Variants in ZSCAN4 observed in about 807,000 individuals in gnomAD.
ZSCAN4 encodes zinc finger and SCAN domain-containing protein 4.
In ZSCAN4, 18 loss-of-function variants were observed where a neutral mutation model predicts 18.3. The ratio of observed to expected loss-of-function variants is 0.98; its 90% confidence interval spans 0.68 to 1.46. The LOEUF (loss-of-function observed/expected upper bound fraction) is 1.46. Among genes scored for constraint, ZSCAN4 ranks in the 40% most tolerant of loss-of-function variants. The pLI, the probability that ZSCAN4 is intolerant of heterozygous loss-of-function variation, is 0.00. For synonymous variants in ZSCAN4, 193 were observed against 180.3 expected (o/e 1.07, Z -0.57); for missense variants, 498 against 511.4 (o/e 0.97, Z 0.25).
the ZSCAN4 span, among the ~76,000 whole-genome samples, chr19:57,662,403 A>G: frequency 2.6e-5 from 4 of 152,246 alleles, no homozygotes; most frequent in East Asian, 7.7e-4. Flanking sequence ...ATGTATTTAA[A>G]TATCTTATTT....
chr19:57,664,072 A>C (rs1983787749), upstream of ZSCAN4, among the ~76,000 whole-genome samples: 1 of 152,210 alleles, frequency 6.6e-6, no homozygotes, highest in Non-Finnish European at 1.5e-5. Context: ...CGGAGGTTGC[A>C]GTAAGCAGAG....
exon 5 of ZSCAN4, chr19:57,679,101 T>C: frequency 2.1e-6 from 1 of 467,716 alleles, no homozygotes; most frequent in Non-Finnish European, 3.4e-6. Context: ...GTTGGGAAAG[T>C]GGAACATTTC....
At chr19:57,670,389 T>C (rs1284707425) in exon 2 of ZSCAN4, 1 of 151,752 alleles carries the variant, frequency 6.6e-6, no homozygotes, top group African/African-American at 2.4e-5. Flanking sequence ...TGGATGAAGA[T>C]TCCATCAGTA....
At chr19:57,660,933 C>G in the ZSCAN4 span, among the ~76,000 whole-genome samples, 1 of 151,916 alleles carries the variant, frequency 6.6e-6, no homozygotes, top group African/African-American at 2.4e-5. Flanking sequence ...TTGAGCCTTC[C>G]TTACTAGTTA....
intron 2 of ZSCAN4, among the ~76,000 whole-genome samples, chr19:57,675,209 G>A (rs1166639316): frequency 1.4e-5 from 2 of 147,072 alleles, no homozygotes; most frequent in African/African-American, 2.6e-5. Flanking sequence ...GTGCAGTGGC[G>A]CAATCTTGAC....
At chr19:57,671,765 T>C (rs1467713992) in intron 2 of ZSCAN4, among the ~76,000 whole-genome samples, 4 of 152,320 alleles carry the variant, frequency 2.6e-5, no homozygotes, top group Non-Finnish European at 2.9e-5. Flanking sequence ...CATTGTCTCC[T>C]AGGAGATTTT....
At chr19:57,654,607 G>A in the ZSCAN4 span, among the ~76,000 whole-genome samples, 2 of 152,062 alleles carry the variant, frequency 1.3e-5, no homozygotes, top group Non-Finnish European at 2.9e-5. Context: ...AAGCTGATGG[G>A]TCCAACTACC....
intron 2 of ZSCAN4, among the ~76,000 whole-genome samples, chr19:57,673,905 C>T (rs1984100273): frequency 6.6e-6 from 1 of 152,148 alleles, no homozygotes; most frequent in South Asian, 2.1e-4. Flanking sequence ...AGGCATGCAC[C>T]ACCACATCTG....
At chr19:57,673,034 T>TTTAA (rs1226657652) in intron 2 of ZSCAN4, among the ~76,000 whole-genome samples, 3 of 152,044 alleles carry the variant, frequency 2.0e-5, no homozygotes, top group Admixed American at 1.3e-4. Flanking sequence ...CATGGTGACA[T>TTTAA]TTAATTAATT....
At chr19:57,669,006 A>G (rs1983933531) in exon 1 of ZSCAN4, 1 of 151,836 alleles carries the variant, frequency 6.6e-6, no homozygotes, top group African/African-American at 2.4e-5. Flanking sequence ...TGAGTAATTT[A>G]TAATAAAACT....
chr19:57,667,257 A>G (rs1983880637), upstream of ZSCAN4, among the ~76,000 whole-genome samples: 1 of 152,166 alleles, frequency 6.6e-6, no homozygotes, highest in South Asian at 2.1e-4. Flanking sequence ...TTCCCCAAGG[A>G]TAAATCCTCC....
chr19:57,668,495 C>G (rs1983917086), upstream of ZSCAN4, among the ~76,000 whole-genome samples: 1 of 152,044 alleles, frequency 6.6e-6, no homozygotes, highest in South Asian at 2.1e-4. Flanking sequence ...AACTCTGTAC[C>G]CAACAGTGAT....
the ZSCAN4 span, among the ~76,000 whole-genome samples, chr19:57,654,413 A>G: frequency 6.6e-6 from 1 of 152,112 alleles, no homozygotes; most frequent in Non-Finnish European, 1.5e-5. Flanking sequence ...AGCCAACAAT[A>G]GCAGCATACC....
At chr19:57,656,590 G>C in the ZSCAN4 span, among the ~76,000 whole-genome samples, 2 of 152,146 alleles carry the variant, frequency 1.3e-5, no homozygotes, top group African/African-American at 4.8e-5. Flanking sequence ...CACTCATCAG[G>C]CATGAGGCCA....
the ZSCAN4 span, among the ~76,000 whole-genome samples, chr19:57,652,335 G>A: frequency 2.6e-5 from 4 of 152,236 alleles, no homozygotes; most frequent in East Asian, 1.9e-4. Context: ...CAAATTCAAC[G>A]TGATCTAAAA....
the ZSCAN4 span, among the ~76,000 whole-genome samples, chr19:57,658,362 T>C: frequency 6.6e-6 from 1 of 152,132 alleles, no homozygotes; most frequent in African/African-American, 2.4e-5. Context: ...GAAGAGTACA[T>C]AGGGTGAGGA....
the ZSCAN4 span, among the ~76,000 whole-genome samples, chr19:57,655,660 A>G: frequency 4.6e-5 from 7 of 152,020 alleles, no homozygotes; most frequent in Admixed American, 2.6e-4. Flanking sequence ...CAACAAACAC[A>G]CACCTCCTAC....
intron 1 of ZSCAN4, among the ~76,000 whole-genome samples, chr19:57,669,408 T>C (rs535578649): frequency 3.3e-5 from 4 of 120,600 alleles, no homozygotes; most frequent in Non-Finnish European, 7.6e-5. Flanking sequence ...TTACCGCAGA[T>C]TTTGTATTTT....
exon 5 of ZSCAN4, chr19:57,679,079 G>A (rs1041786554): frequency 6.3e-6 from 4 of 634,258 alleles, no homozygotes; most frequent in African/African-American, 5.7e-5. Context: ...GTTCACTAAA[G>A]TATTCCAAGT....
Sources: gnomAD v4.1 joint callset for allele counts (sites outside exome capture counted in the v4.1 genomes callset) on GRCh38, gnomAD v4.1.1 for gene constraint, MANE v1.5 for transcripts, NCBI Gene and HGNC (gene_info 2026-07-23, HGNC 2026-07-21) for gene names.